The following NRP1 variants were observed in gnomAD, a reference collection of about 807,000 sequenced individuals.
NRP1 encodes neuropilin-1.
In NRP1, 35 loss-of-function variants were observed where a neutral mutation model predicts 106.7. The observed-to-expected ratio is 0.33, with a 90% CI of 0.25 to 0.43. The LOEUF (loss-of-function observed/expected upper bound fraction) is 0.43. NRP1 is among the 20% of genes least tolerant of loss of function. The pLI is 1.00. For missense variants in NRP1, 1,024 were observed against 1,170.4 expected, an observed-to-expected ratio of 0.87 and a Z score of 1.83; for synonymous variants, 437 against 417.9, an observed-to-expected ratio of 1.05 and a Z score of -0.56.
At chr10:33,321,443 G>A (rs1847503153) in intron 2 of NRP1, among the ~76,000 whole-genome samples, 2 of 152,016 alleles carry the variant, frequency 1.3e-5, no homozygotes, top group Admixed American at 6.6e-5. Flanking sequence ...GTTAGCCAGG[G>A]GTTACCACAT....
intron 2 of NRP1, among the ~76,000 whole-genome samples, chr10:33,273,039 G>A (rs1274640003): frequency 7.2e-6 from 1 of 138,282 alleles, no homozygotes; most frequent in Non-Finnish European, 1.5e-5. Flanking sequence ...TAAATACTAG[G>A]CGCTCCTCTT....
Position 33,245,773 on chromosome 10 carries a change from A to C in NRP1, c.981+8255T>G, listed in dbSNP as rs991297398. On this transcript the variant is annotated intron_variant, in intron 6 of 16. Coordinates refer to ENST00000374867, the MANE Select transcript of NRP1 (RefSeq NM_003873.7). ...GATGCCTGTATCCCTTTTAGTCTTAAAGTTGAGATATCCCTGAAAGAAAAA... is the reference window on the plus strand; with the variant it reads ...GATGCCTGTATCCCTTTTAGTCTTACAGTTGAGATATCCCTGAAAGAAAAA... Among the ~76,000 whole-genome samples, 8 of 152,264 alleles carry C rather than the reference A, an allele frequency of 5.3e-5. No individual in the cohort carries two copies. The South Asian group carries it at 1.0e-3, about 20-fold the overall frequency.
intron 9 of NRP1, among the ~76,000 whole-genome samples, chr10:33,209,419 T>C (rs1838093448): frequency 6.6e-6 from 1 of 152,204 alleles, no homozygotes; most frequent in Non-Finnish European, 1.5e-5. Flanking sequence ...CTGGCGCCCT[T>C]AACCACACCA....
At chr10:33,193,183 A>G (rs1244050974) in intron 12 of NRP1, among the ~76,000 whole-genome samples, 1 of 152,138 alleles carries the variant, frequency 6.6e-6, no homozygotes, top group East Asian at 1.9e-4. Context: ...ATCTGAAAAG[A>G]CAGCGTGAAT....
intron 4 of NRP1, among the ~76,000 whole-genome samples, chr10:33,256,724 G>A (rs1001838399): frequency 6.6e-6 from 1 of 152,238 alleles, no homozygotes; most frequent in African/African-American, 2.4e-5. Flanking sequence ...TTCAGGAACA[G>A]AATCAAAATG....
intron 6 of NRP1, among the ~76,000 whole-genome samples, chr10:33,240,170 C>T (rs1389478056): frequency 6.6e-6 from 1 of 152,120 alleles, no homozygotes; most frequent in East Asian, 1.9e-4. Flanking sequence ...TGTCTGACAC[C>T]TTTCCAAGGT....
intron 12 of NRP1, chr10:33,194,926 G>T (rs1044598615): frequency 2.8e-6 from 1 of 361,538 alleles, no homozygotes; most frequent in Non-Finnish European, 5.5e-6. Context: ...GACTACTGAC[G>T]TTTACGTTTT....
chr10:33,193,417 C>T (rs1836551960), intron 12 of NRP1, among the ~76,000 whole-genome samples: 1 of 152,212 alleles, frequency 6.6e-6, no homozygotes, highest in Non-Finnish European at 1.5e-5. Flanking sequence ...AATTCTCGGG[C>T]TTCTGCCCCC....
intron 3 of NRP1, among the ~76,000 whole-genome samples, chr10:33,265,406 G>A (rs1007051187): frequency 1.3e-5 from 2 of 152,180 alleles, no homozygotes; most frequent in African/African-American, 4.8e-5. Flanking sequence ...TTCTAAATAA[G>A]GTGCTTTGTT....
chr10:33,188,461 G>A (rs1411606275), intron 13 of NRP1, among the ~76,000 whole-genome samples: 1 of 152,088 alleles, frequency 6.6e-6, no homozygotes, highest in Non-Finnish European at 1.5e-5. Context: ...CACAGCACCT[G>A]CCATGTAACA....
intron 6 of NRP1, among the ~76,000 whole-genome samples, chr10:33,245,174 AT>A (rs1239874713): frequency 3.9e-5 from 6 of 152,090 alleles, no homozygotes; most frequent in Non-Finnish European, 7.4e-5. Context: ...ACAACAATGA[AT>A]TTTTTTCTTT....
chr10:33,321,109 C>T (rs146877442), intron 2 of NRP1, among the ~76,000 whole-genome samples: 7,204 of 152,230 alleles, frequency 0.047, 202 homozygotes, highest in Middle Eastern at 0.078. Flanking sequence ...GCCTCAGCCT[C>T]CTGAGTAGCT....
chr10:33,249,970 T>G (rs1041435715), intron 6 of NRP1, among the ~76,000 whole-genome samples: 4 of 152,184 alleles, frequency 2.6e-5, no homozygotes, highest in African/African-American at 9.7e-5. Context: ...CCTGTCTTGA[T>G]GGAAAGTCAG....
At chr10:33,304,255 T>A (rs1845993959) in intron 2 of NRP1, among the ~76,000 whole-genome samples, 1 of 152,216 alleles carries the variant, frequency 6.6e-6, no homozygotes, top group Admixed American at 6.5e-5. Flanking sequence ...TTTCACTGAT[T>A]GACTTTTCTT....
intron 3 of NRP1, among the ~76,000 whole-genome samples, chr10:33,268,491 TG>T (rs1286706748): frequency 6.6e-6 from 1 of 152,208 alleles, no homozygotes; most frequent in Non-Finnish European, 1.5e-5. Context: ...GTCTGAAGAA[TG>T]GGCTTGGAGA....
intron 4 of NRP1, among the ~76,000 whole-genome samples, 182 bp from the exon 5 acceptor site, chr10:33,256,653 T>TA (rs1842218079): frequency 6.6e-6 from 1 of 152,190 alleles, no homozygotes; most frequent in Admixed American, 6.5e-5. Context: ...GAGAAGATTT[T>TA]AAAGTGTACT....
intron 7 of NRP1, among the ~76,000 whole-genome samples, chr10:33,225,758 CAGAA>C (rs1465933945): frequency 2.0e-5 from 3 of 152,176 alleles, no homozygotes; most frequent in Non-Finnish European, 2.9e-5. Context: ...TGATTACAGA[CAGAA>C]AGAATCTATG....
intron 2 of NRP1, among the ~76,000 whole-genome samples, chr10:33,280,487 T>C (rs963253190): frequency 6.6e-6 from 1 of 152,050 alleles, no homozygotes; most frequent in Non-Finnish European, 1.5e-5. Context: ...CCCTATTTCA[T>C]AGAAAATTTT....
chr10:33,306,241 G>A (rs1032002998), intron 2 of NRP1, among the ~76,000 whole-genome samples: 2 of 152,204 alleles, frequency 1.3e-5, no homozygotes, highest in African/African-American at 4.8e-5. Context: ...GCATCCAGCT[G>A]ACATTGTTTC....
Sources: allele counts gnomAD v4.1 joint callset (sites outside exome capture counted in the v4.1 genomes callset), GRCh38; gene constraint gnomAD v4.1.1; transcripts MANE v1.5; gene names NCBI Gene and HGNC (gene_info 2026-07-23, HGNC 2026-07-21).